Variants in TACR3 observed in about 807,000 individuals in gnomAD.
TACR3 encodes the protein tachykinin receptor 3.
TACR3 carries 34 observed loss-of-function variants against 35.0 expected under a neutral mutation model. The observed-to-expected ratio is 0.97, with a 90% confidence interval of 0.74 to 1.30. The LOEUF (loss-of-function observed/expected upper bound fraction) is 1.30, where lower values mean the gene tolerates loss of function less well. Among genes scored for constraint, TACR3 ranks in the 50% most tolerant of loss-of-function variants. The pLI is 0.00. For missense variants in TACR3, 558 were observed against 591.7 expected (o/e 0.94, Z 0.59); for synonymous variants, 233 against 221.1 (o/e 1.05, Z -0.48).
At chr4:103,637,109 A>G (rs140528399) in intron 3 of TACR3, among the ~76,000 whole-genome samples, 3,965 of 152,268 alleles carry the variant, frequency 0.026, 174 homozygotes, top group African/African-American at 0.09. Flanking sequence ...TCATCCTGAT[A>G]CCAAAGCCAG....
intron 1 of TACR3, among the ~76,000 whole-genome samples, chr4:103,715,427 T>C (rs1011105658): frequency 2.0e-5 from 3 of 152,136 alleles, no homozygotes; most frequent in Admixed American, 6.6e-5. Context: ...TCTTCTGTCA[T>C]GATTGTAAGT....
chr4:103,673,024 T>A (rs1037287964), intron 1 of TACR3, among the ~76,000 whole-genome samples: 3 of 152,186 alleles, frequency 2.0e-5, no homozygotes, highest in Non-Finnish European at 4.4e-5. Flanking sequence ...TTCTGCAGCT[T>A]CTTCAACTCT....
chr4:103,654,360 T>G (rs896680987), intron 3 of TACR3, among the ~76,000 whole-genome samples: 4 of 151,642 alleles, frequency 2.6e-5, no homozygotes, highest in Admixed American at 6.6e-5. Flanking sequence ...TGGAATACTA[T>G]GCAGCCATAA....
chr4:103,675,736 G>A (rs1388953231), intron 1 of TACR3, among the ~76,000 whole-genome samples: 5 of 152,052 alleles, frequency 3.3e-5, no homozygotes, highest in African/African-American at 9.7e-5. Context: ...ACGTCCGAAA[G>A]CCACTCTCAT....
chr4:103,659,583 T>G (rs1226510322), intron 1 of TACR3, among the ~76,000 whole-genome samples: 2 of 152,194 alleles, frequency 1.3e-5, no homozygotes, highest in East Asian at 3.9e-4. Context: ...TACCTCATAT[T>G]GAATTCATAC....
intron 1 of TACR3, among the ~76,000 whole-genome samples, chr4:103,658,918 C>A (rs920711090): frequency 3.9e-5 from 6 of 151,980 alleles, no homozygotes; most frequent in African/African-American, 1.5e-4. Context: ...TCCGTGGGAG[C>A]CCTGAGCTTG....
intron 3 of TACR3, among the ~76,000 whole-genome samples, chr4:103,615,827 C>A (rs1724644819): frequency 6.6e-6 from 1 of 151,626 alleles, no homozygotes. Context: ...GGCATGAAAT[C>A]TCGGTATATT....
chr4:103,625,091 T>C (rs796365597), intron 3 of TACR3, among the ~76,000 whole-genome samples: 3 of 152,266 alleles, frequency 2.0e-5, no homozygotes, highest in African/African-American at 7.2e-5. Flanking sequence ...TTTTATGCCG[T>C]GAGAGACAAA....
chr4:103,719,798 A>C lies in TACR3; in HGVS notation c.-123T>G. ...GCCGGAGTCTTCAGATAAGACTGGA[A>C]GCTGAAAGATACTGCAATCCCTGCT... On this transcript the variant is annotated 5_prime_UTR_variant, in exon 1 of 5. Transcript: ENST00000304883. 1.6e-6 allele frequency: 2 copies of C among 1,272,378 alleles called. No homozygotes were observed. Among genetic ancestry groups the C allele is most frequent in the Non-Finnish European group, 2.2e-6 (2 of 909,222 alleles). 78.8% of individuals were successfully genotyped at this position (1,272,378 alleles called of 1,614,324 possible). A position where few individuals can be genotyped will look rare whatever the true frequency, so the allele number is the denominator to read the frequency against.
chr4:103,696,715 G>T (rs2110220197), intron 1 of TACR3, among the ~76,000 whole-genome samples: 1 of 152,194 alleles, frequency 6.6e-6, no homozygotes, highest in South Asian at 2.1e-4. Context: ...AGGTTGATAA[G>T]TTCACCTTTC....
At chr4:103,681,134 T>TA (rs1344631060) in intron 1 of TACR3, among the ~76,000 whole-genome samples, 3 of 151,996 alleles carry the variant, frequency 2.0e-5, no homozygotes, top group Non-Finnish European at 4.4e-5. Context: ...ATAGGATATT[T>TA]AAAAAAATAT....
At chr4:103,673,963 A>T (rs1726106124) in intron 1 of TACR3, among the ~76,000 whole-genome samples, 1 of 152,134 alleles carries the variant, frequency 6.6e-6, no homozygotes, top group African/African-American at 2.4e-5. Flanking sequence ...ATTTTATTTC[A>T]TTTTTTATAA....
intron 3 of TACR3, among the ~76,000 whole-genome samples, chr4:103,598,394 TC>T (rs2110288058): frequency 6.6e-6 from 1 of 152,336 alleles, no homozygotes; most frequent in Admixed American, 6.5e-5. Flanking sequence ...TTTCTCCCAT[TC>T]TGTAGGTTGC....
At chr4:103,709,651 T>C (rs1389063261) in intron 1 of TACR3, among the ~76,000 whole-genome samples, 1 of 152,060 alleles carries the variant, frequency 6.6e-6, no homozygotes, top group African/African-American at 2.4e-5. Flanking sequence ...AATTCGCACA[T>C]AACAATATTA....
chr4:103,710,331 A>C (rs1028668805), intron 1 of TACR3, among the ~76,000 whole-genome samples: 2 of 152,184 alleles, frequency 1.3e-5, no homozygotes, highest in Non-Finnish European at 2.9e-5. Context: ...TGTAATCAAA[A>C]TAGAACTCAG....
intron 3 of TACR3, among the ~76,000 whole-genome samples, chr4:103,600,031 T>A (rs1310149086): frequency 1.3e-5 from 2 of 152,162 alleles, no homozygotes; most frequent in Admixed American, 1.3e-4. Context: ...GAAGGAATGG[T>A]ATCAGCTCCT....
intron 1 of TACR3, among the ~76,000 whole-genome samples, chr4:103,699,222 G>C (rs1722593601): frequency 6.6e-6 from 1 of 152,132 alleles, no homozygotes; most frequent in African/African-American, 2.4e-5. Flanking sequence ...TAATAGTCAG[G>C]GTCCAGAAGC....
At chr4:103,718,452 G>A (rs1309135661) in intron 1 of TACR3, among the ~76,000 whole-genome samples, 2 of 152,176 alleles carry the variant, frequency 1.3e-5, no homozygotes, top group African/African-American at 4.8e-5. Flanking sequence ...TTAAAAATTT[G>A]GTTACACACT....
intron 1 of TACR3, among the ~76,000 whole-genome samples, chr4:103,696,031 G>C (rs11097824): frequency 0.12 from 18,035 of 151,468 alleles, 1,478 homozygotes; most frequent in East Asian, 0.43. Context: ...CTATATAATT[G>C]TATCTCTGAC....
Sources: gnomAD v4.1 joint callset for allele counts (sites outside exome capture counted in the v4.1 genomes callset) on GRCh38, gnomAD v4.1.1 for gene constraint, MANE v1.5 for transcripts, NCBI Gene and HGNC (gene_info 2026-07-23, HGNC 2026-07-21) for gene names.